GRIK2: variants seen among roughly 807,000 people sequenced by gnomAD.
GRIK2 encodes glutamate ionotropic receptor kainate type subunit 2, also known as glutamate receptor ionotropic, kainate 2.
A neutral mutation model predicts 100.3 loss-of-function variants in GRIK2; 32 were observed. The observed-to-expected ratio is 0.32, with a 90% CI of 0.24 to 0.43. The LOEUF (loss-of-function observed/expected upper bound fraction) is 0.43. Among genes scored for constraint, GRIK2 ranks in the 20% least tolerant of loss-of-function variants. GRIK2 has a pLI of 1.00. For synonymous variants in GRIK2, 417 were observed against 389.4 expected (o/e 1.07, Z -0.83); for missense variants, 843 against 1,114.9 (o/e 0.76, Z 3.47).
At chr6:101,430,827 G>T in intron 2 of GRIK2, 1 of 284,876 alleles carries the variant, frequency 3.5e-6, no homozygotes, top group South Asian at 4.9e-5. Flanking sequence ...AAAGTCTAGG[G>T]CAGCATAGCA....
intron 6 of GRIK2, among the ~76,000 whole-genome samples, chr6:101,682,811 A>T (rs1241938904): frequency 2.0e-5 from 3 of 152,138 alleles, no homozygotes; most frequent in Admixed American, 2.0e-4. Context: ...TCAGATATCA[A>T]TTCAAAATAT....
intron 4 of GRIK2, among the ~76,000 whole-genome samples, chr6:101,661,397 T>G (rs1582912517): frequency 6.6e-6 from 1 of 152,222 alleles, no homozygotes; most frequent in Admixed American, 6.5e-5. Context: ...CCAGTGGATC[T>G]TAGCTTGCTG....
chr6:101,473,912 T>A (rs1164258257), intron 2 of GRIK2, among the ~76,000 whole-genome samples: 1 of 151,932 alleles, frequency 6.6e-6, no homozygotes, highest in Non-Finnish European at 1.5e-5. Flanking sequence ...TGTAAAATTT[T>A]GTGGGAATAT....
intron 2 of GRIK2, among the ~76,000 whole-genome samples, chr6:101,502,245 A>G (rs1019153473): frequency 5.3e-5 from 8 of 152,216 alleles, no homozygotes; most frequent in African/African-American, 1.7e-4. Flanking sequence ...ACATATTGAA[A>G]GGTACATTCC....
At chr6:101,920,200 G>A (rs896853214) in intron 12 of GRIK2, among the ~76,000 whole-genome samples, 1 of 151,908 alleles carries the variant, frequency 6.6e-6, no homozygotes, top group African/African-American at 2.4e-5. Context: ...TACACAAGTA[G>A]TGGTTAAGCG....
At chr6:101,490,053 TATG>T (rs1773022483) in intron 2 of GRIK2, among the ~76,000 whole-genome samples, 3 of 146,538 alleles carry the variant, frequency 2.0e-5, no homozygotes, top group Non-Finnish European at 4.5e-5. Context: ...TGTTCAGCAA[TATG>T]ATAGTCTCAT....
At chr6:101,615,451 G>T (rs1779847312) in intron 2 of GRIK2, among the ~76,000 whole-genome samples, 1 of 151,686 alleles carries the variant, frequency 6.6e-6, no homozygotes, top group South Asian at 2.1e-4. Flanking sequence ...ATGTGAAACT[G>T]GTTGAATTTT....
chr6:101,887,060 C>G (rs1582459649), intron 11 of GRIK2, among the ~76,000 whole-genome samples: 1 of 151,850 alleles, frequency 6.6e-6, no homozygotes, highest in East Asian at 1.9e-4. Flanking sequence ...GATCTCCTGA[C>G]CTCATGATCA....
At chr6:102,020,189 T>G (rs1769351169) in intron 14 of GRIK2, among the ~76,000 whole-genome samples, 1 of 151,886 alleles carries the variant, frequency 6.6e-6, no homozygotes, top group Non-Finnish European at 1.5e-5. Flanking sequence ...TGAAATTGTT[T>G]TTAGAATACC....
At chr6:101,595,660 TTA>T (rs1447846524) in intron 2 of GRIK2, among the ~76,000 whole-genome samples, 8 of 148,292 alleles carry the variant, frequency 5.4e-5, no homozygotes, top group African/African-American at 1.5e-4. Context: ...AAACACATAT[TTA>T]TATACACATA....
chr6:101,403,617 A>G (rs1437506295), intron 2 of GRIK2, among the ~76,000 whole-genome samples: 3 of 152,242 alleles, frequency 2.0e-5, no homozygotes, highest in African/African-American at 4.8e-5. Context: ...CACAGATACA[A>G]TAATTAGTAG....
At chr6:101,765,838 T>C (rs1778014440) in intron 7 of GRIK2, among the ~76,000 whole-genome samples, 1 of 152,186 alleles carries the variant, frequency 6.6e-6, no homozygotes, top group Non-Finnish European at 1.5e-5. Context: ...ATCTAGAAAT[T>C]AGAAACATGG....
chr6:101,859,563 A>T (rs1784623861), intron 11 of GRIK2, 70 bp downstream of exon 11: 1 of 841,334 alleles, frequency 1.2e-6, no homozygotes, highest in East Asian at 2.5e-5. Flanking sequence ...GTTGATGTAT[A>T]TGAAATAACT....
intron 2 of GRIK2, among the ~76,000 whole-genome samples, chr6:101,572,358 C>T (rs1466881814): frequency 6.6e-6 from 1 of 152,066 alleles, no homozygotes; most frequent in Non-Finnish European, 1.5e-5. Context: ...TTTCTCCCAT[C>T]ATAATTATTT....
At chr6:101,734,152 A>T (rs991330954) in intron 7 of GRIK2, among the ~76,000 whole-genome samples, 1 of 152,116 alleles carries the variant, frequency 6.6e-6, no homozygotes. Context: ...AATCTGTATT[A>T]GTCAAAGTTC....
At chr6:101,664,854 G>A (rs1459317945) in intron 4 of GRIK2, among the ~76,000 whole-genome samples, 1 of 152,172 alleles carries the variant, frequency 6.6e-6, no homozygotes, top group Admixed American at 6.6e-5. Flanking sequence ...GCAGGCAAGA[G>A]AGGATGCTCA....
chr6:101,956,056 G>T (rs940366548), intron 14 of GRIK2, among the ~76,000 whole-genome samples: 4 of 151,832 alleles, frequency 2.6e-5, no homozygotes, highest in Non-Finnish European at 5.9e-5. Flanking sequence ...TCTAAGCACT[G>T]CTTTAACTTC....
In GRIK2 at chr6:101,820,386, G is replaced by A. The variant is rs549269488; in HGVS notation, c.1317+1903G>A. On this transcript the variant is annotated intron_variant, in intron 10 of 16. Transcript: ENST00000369134. ...TCCTTTCTATCATCTTCCTGATCTA[G>A]CCAAATTCCTCAAAACATCACTTAT... Among the ~76,000 whole-genome samples, 191 of 152,156 alleles carry A rather than the reference G, an allele frequency of 1.3e-3. 1 individual carries two copies. The highest frequency in any genetic ancestry group is 3.6e-3 in the African/African-American group (148 of 41,528).
At chr6:101,648,956 C>T (rs1161301597) in intron 4 of GRIK2, among the ~76,000 whole-genome samples, 1 of 152,058 alleles carries the variant, frequency 6.6e-6, no homozygotes, top group Non-Finnish European at 1.5e-5. Flanking sequence ...ATTTATAAAA[C>T]CATCTGTTCT....
Sources: gnomAD v4.1 joint callset for allele counts (sites outside exome capture counted in the v4.1 genomes callset) on GRCh38, gnomAD v4.1.1 for gene constraint, MANE v1.5 for transcripts, NCBI Gene and HGNC (gene_info 2026-07-23, HGNC 2026-07-21) for gene names.